The following ELMO1 variants were observed in gnomAD, a reference collection of about 807,000 sequenced individuals.
ELMO1 encodes engulfment and cell motility 1, also known as engulfment and cell motility protein 1.
A neutral mutation model predicts 98.9 loss-of-function variants in ELMO1; 26 were observed. That is an observed-to-expected ratio of 0.26 (90% CI 0.19 to 0.36). The LOEUF (loss-of-function observed/expected upper bound fraction) is 0.36, where lower values mean the gene tolerates loss of function less well. Among genes scored for constraint, ELMO1 ranks in the 10% least tolerant of loss-of-function variants. The probability of loss-of-function intolerance (pLI) is 1.00; values close to 1 mark genes in which losing one functional copy is unlikely to be tolerated. For missense variants in ELMO1, 627 were observed against 935.2 expected (o/e 0.67, Z 4.30); for synonymous variants, 346 against 346.0 (o/e 1.00, Z 0.00).
At chr7:36,939,772 T>C (rs1436544017) in intron 16 of ELMO1, among the ~76,000 whole-genome samples, 1 of 152,226 alleles carries the variant, frequency 6.6e-6, no homozygotes, top group Non-Finnish European at 1.5e-5. Context: ...CCCACCCTCC[T>C]GCTTTCACTG....
chr7:37,380,808 T>C (rs1167398141), intron 1 of ELMO1, among the ~76,000 whole-genome samples: 1 of 152,208 alleles, frequency 6.6e-6, no homozygotes, highest in East Asian at 1.9e-4. Context: ...TTTGAACCCA[T>C]GGACAACAGC....
Position 37,259,207 on chromosome 7 carries a change from G to A in ELMO1, c.387C>T (p.Leu129=). Residue 129 remains leucine, a synonymous_variant, in exon 6 of 22, where the codon CTC becomes CTT. Transcript: ENST00000310758. The stretch of plus-strand genomic sequence containing the variant: ...CAGTGCCGCTCTCCACCATCTGCGT[G>A]AGGAGAGAGATACCGTCCAGGTTTA... ...EFINLDGISL[L]TQMVESGTER... is the part of the protein sequence containing the mutation. 6.2e-7 allele frequency: 1 copy of A among 1,614,098 alleles called. No homozygotes were observed. Among genetic ancestry groups the A allele is most frequent in the Non-Finnish European group, 8.5e-7 (1 of 1,179,970 alleles).
intron 4 of ELMO1, among the ~76,000 whole-genome samples, chr7:37,279,446 C>T (rs1044435252): frequency 6.6e-6 from 1 of 152,172 alleles, no homozygotes; most frequent in Non-Finnish European, 1.5e-5. Flanking sequence ...CGAGAGGACC[C>T]ACAGACCCTC....
intron 14 of ELMO1, among the ~76,000 whole-genome samples, chr7:37,115,404 G>A (rs190400667): frequency 1.5e-4 from 23 of 152,224 alleles, no homozygotes; most frequent in African/African-American, 4.1e-4. Context: ...CACCACAACC[G>A]AGTAGGATTT....
chr7:37,137,252 TG>T (rs1787326445), intron 13 of ELMO1, among the ~76,000 whole-genome samples: 1 of 152,176 alleles, frequency 6.6e-6, no homozygotes. Context: ...CATCTAACAC[TG>T]GATCTCCCAA....
chr7:37,043,584 C>G (rs940342392), intron 15 of ELMO1, among the ~76,000 whole-genome samples: 4 of 152,170 alleles, frequency 2.6e-5, no homozygotes, highest in Admixed American at 6.5e-5. Flanking sequence ...GGAAATTCTA[C>G]TATGTGTAAA....
intron 12 of ELMO1, 34 bp from the exon 13 acceptor site, chr7:37,211,551 G>A (rs763194904): frequency 1.9e-6 from 3 of 1,606,362 alleles, no homozygotes; most frequent in Non-Finnish European, 2.5e-6. Flanking sequence ...GAAAAGGGAG[G>A]GGAAAAAGCT....
intron 1 of ELMO1, among the ~76,000 whole-genome samples, chr7:37,374,119 C>T (rs1323922087): frequency 1.3e-5 from 2 of 152,178 alleles, no homozygotes; most frequent in Non-Finnish European, 2.9e-5. Context: ...TAGTTTATTA[C>T]ACCCTGAGAG....
chr7:37,121,797 G>C (rs867124648), intron 14 of ELMO1, among the ~76,000 whole-genome samples: 1 of 152,246 alleles, frequency 6.6e-6, no homozygotes, highest in Middle Eastern at 3.4e-3. Context: ...TACTCCTCGA[G>C]AAGAGCAACT....
At chr7:37,003,019 T>C (rs541203041) in intron 16 of ELMO1, among the ~76,000 whole-genome samples, 9 of 152,326 alleles carry the variant, frequency 5.9e-5, no homozygotes, top group African/African-American at 1.9e-4. Flanking sequence ...CCGATTGATA[T>C]CTGAGCTGAT....
At chr7:37,240,921 T>C (rs1794734263) in intron 7 of ELMO1, among the ~76,000 whole-genome samples, 1 of 152,134 alleles carries the variant, frequency 6.6e-6, no homozygotes, top group African/African-American at 2.4e-5. Context: ...TTGAAAATAA[T>C]GTATATTTTG....
At chr7:37,292,756 C>G (rs1797788840) in intron 4 of ELMO1, among the ~76,000 whole-genome samples, 1 of 106,332 alleles carries the variant, frequency 9.4e-6, no homozygotes. Flanking sequence ...AGCCCCCCGC[C>G]CGGCCAGCCA....
Position 36,893,490 on chromosome 7 carries a change from C to T in ELMO1, c.1601+1364G>A, listed in dbSNP as rs750318121. Among the ~76,000 whole-genome samples the T allele has an allele frequency of 5.6e-4, 86 of 152,226 alleles. 1 individual carries two copies. The highest frequency in any genetic ancestry group is 2.4e-3 in the Admixed American group (36 of 15,282). ...CCTTGGAAGCATTTTCCCTGCCCCG[C>T]TAACTAACTTCATGCCAACTAGTCT... is the stretch of plus-strand genomic sequence containing the variant. On this transcript the variant is annotated intron_variant, in intron 17 of 21. Coordinates refer to ENST00000310758, the MANE Select transcript of ELMO1 (RefSeq NM_014800.11).
chr7:36,966,690 C>A (rs1789464478), intron 16 of ELMO1, among the ~76,000 whole-genome samples: 1 of 152,202 alleles, frequency 6.6e-6, no homozygotes, highest in African/African-American at 2.4e-5. Context: ...TGCCACTTGG[C>A]AGTTTTAAAC....
At chr7:37,055,644 T>G (rs750380747) in intron 15 of ELMO1, among the ~76,000 whole-genome samples, 28 of 152,144 alleles carry the variant, frequency 1.8e-4, no homozygotes, top group Non-Finnish European at 4.0e-4. Context: ...CTCATTCGTT[T>G]TATTTTGTCT....
At chr7:36,926,172 T>A (rs1205538041) in intron 16 of ELMO1, among the ~76,000 whole-genome samples, 1 of 152,018 alleles carries the variant, frequency 6.6e-6, no homozygotes, top group African/African-American at 2.4e-5. Context: ...GGCAAAGAGG[T>A]GGAGGAAGGG....
chr7:37,385,968 A>C (rs1802786024), intron 1 of ELMO1, among the ~76,000 whole-genome samples: 1 of 152,160 alleles, frequency 6.6e-6, no homozygotes, highest in South Asian at 2.1e-4. Context: ...AGGAGCCAGA[A>C]ATTTTACCAA....
intron 15 of ELMO1, among the ~76,000 whole-genome samples, chr7:37,035,730 C>T (rs1187671409): frequency 1.3e-5 from 2 of 152,142 alleles, no homozygotes; most frequent in African/African-American, 4.8e-5. Flanking sequence ...TTACACTAAA[C>T]TTGATGAGAA....
chr7:37,432,639 G>A (rs557367583), intron 1 of ELMO1, among the ~76,000 whole-genome samples: 13 of 152,292 alleles, frequency 8.5e-5, no homozygotes, highest in African/African-American at 2.9e-4. Flanking sequence ...TCAAGGCCAC[G>A]GTGCTCTCAG....
Sources: gnomAD v4.1 joint callset for allele counts (sites outside exome capture counted in the v4.1 genomes callset) on GRCh38, gnomAD v4.1.1 for gene constraint, MANE v1.5 for transcripts, NCBI Gene and HGNC (gene_info 2026-07-23, HGNC 2026-07-21) for gene names.